The following DMXL1 variants were observed in gnomAD, a reference collection of about 807,000 sequenced individuals.
DMXL1 encodes Dmx like 1, also known as dmX-like protein 1.
Under a neutral mutation model 319.2 loss-of-function variants are expected in DMXL1, and 99 were observed. The observed-to-expected ratio is 0.31, with a 90% confidence interval of 0.26 to 0.37. DMXL1 has a LOEUF of 0.37. Among genes scored for constraint, DMXL1 ranks in the 10% least tolerant of loss-of-function variants. The pLI is 1.00. For synonymous variants in DMXL1, 1,385 were observed against 1,235.2 expected, an observed-to-expected ratio of 1.12 and a Z score of -2.54; for missense variants, 3,745 against 3,595.6, an observed-to-expected ratio of 1.04 and a Z score of -1.06.
At chr5:119,103,027 C>T (rs924575946) in intron 3 of DMXL1, among the ~76,000 whole-genome samples, 10 of 151,126 alleles carry the variant, frequency 6.6e-5, no homozygotes, top group South Asian at 2.1e-4. Context: ...TCCCTTGACA[C>T]GAATTTACCT....
intron 4 of DMXL1, among the ~76,000 whole-genome samples, 188 bp downstream of exon 4, chr5:119,105,446 G>A (rs1758125274): frequency 6.6e-6 from 1 of 152,168 alleles, no homozygotes. Flanking sequence ...AGAAATGAGA[G>A]AATGTTCTAA....
At chr5:119,211,304 T>A (rs537592299) in intron 34 of DMXL1, among the ~76,000 whole-genome samples, 1 of 152,296 alleles carries the variant, frequency 6.6e-6, no homozygotes, top group South Asian at 2.1e-4. Context: ...CTCTTTAATT[T>A]TGGGGAATAA....
chr5:119,173,111 G>C (rs1774918598), intron 25 of DMXL1, among the ~76,000 whole-genome samples: 1 of 152,150 alleles, frequency 6.6e-6, no homozygotes, highest in African/African-American at 2.4e-5. Context: ...GGTCGAGGCA[G>C]GCAGATCACC....
In DMXL1 at chr5:119,177,473, C is replaced by T. The variant is rs753804046; in HGVS notation, c.6875C>T (p.Ala2292Val). 2 of 1,599,314 alleles carry T rather than the reference C, an allele frequency of 1.3e-6. No individual in the cohort carries two copies. The highest frequency in any genetic ancestry group is 2.3e-5 in the South Asian group (2 of 87,928). The stretch of plus-strand genomic sequence containing the variant: ...GCATTAACTCCCAATACGTCACCAG[C>T]TCAATGGCCAGGTATAATTTTTATG... ...DEALTPNTSP[A>V]QWPGITCLIR... Residue 2292 changes from alanine (A) to valine (V), a missense_variant, in exon 27 of 44, where the codon GCT becomes GTT. Ala to Val is a moderately conservative substitution (Grantham distance 64). This residue lies in a region of DMXL1 where 1,382 missense variants were observed against 1,269.5 expected (regional missense o/e 1.09). Transcript: ENST00000539542.
chr5:119,196,504 A>G (rs902938443), intron 31 of DMXL1, 48 bp downstream of exon 31: 5 of 1,215,284 alleles, frequency 4.1e-6, no homozygotes, highest in Non-Finnish European at 5.9e-6. Context: ...CTTTTGACTT[A>G]CTACTCTGTT....
At chr5:119,075,927 G>A (rs1750741180) in intron 1 of DMXL1, among the ~76,000 whole-genome samples, 1 of 152,138 alleles carries the variant, frequency 6.6e-6, no homozygotes, top group Non-Finnish European at 1.5e-5. Context: ...TTAAAAAGAA[G>A]ACTAGTTAAT....
intron 19 of DMXL1, among the ~76,000 whole-genome samples, chr5:119,154,350 C>G (rs1581052108): frequency 6.6e-6 from 1 of 152,314 alleles, no homozygotes; most frequent in East Asian, 1.9e-4. Context: ...ATGCAAAGGA[C>G]AAGGTCCAAA....
In DMXL1 at chr5:119,098,729, C is replaced by A. The variant is rs563299951; in HGVS notation, c.213+625C>A. Among the ~76,000 whole-genome samples, 5 of 152,286 alleles carry A rather than the reference C, an allele frequency of 3.3e-5. No individual in the cohort carries two copies. The South Asian group carries it at 1.0e-3, about 32-fold the overall frequency. On this transcript the variant is annotated intron_variant, in intron 2 of 43. Transcript: ENST00000539542. ...TCCTGTAGTACCAGAATGAGAAAGT[C>A]ATACTACTAGGCAAGGCAGCATAAT...
intron 25 of DMXL1, among the ~76,000 whole-genome samples, chr5:119,173,672 A>ATGTGTGTGTGTGTGTGTGTGTGTGTG (rs771056976): frequency 3.2e-3 from 352 of 110,176 alleles, no homozygotes; most frequent in African/African-American, 1.0e-2. Flanking sequence ...AGTAGGATGT[A>ATGTGTGTGTGTGTGTGTGTGTGTGTG]TGTGTGTGTG....
chr5:119,146,707 T>G lies in DMXL1; in HGVS notation c.2570-130T>G, dbSNP rs894432752. 2.7e-5 allele frequency: 21 copies of G among 773,872 alleles called. No individual in the cohort carries two copies. In the African/African-American group the frequency reaches 3.8e-4, roughly 14 times the overall value. The allele number at this position is 773,872 out of a possible 1,614,324, so 47.9% of individuals were successfully genotyped here. On this transcript the variant is annotated intron_variant, in intron 15 of 43. Coordinates refer to ENST00000539542, the MANE Select transcript of DMXL1 (RefSeq NM_001290321.3). Reference sequence around the variant, plus strand: ...ATTTGAATATATTTTATAATACCACTTGTGTTTGAAGCCTTAGGTAAAAGT... The same window carrying G: ...ATTTGAATATATTTTATAATACCACGTGTGTTTGAAGCCTTAGGTAAAAGT...
chr5:119,080,497 G>C (rs533163619), intron 1 of DMXL1, among the ~76,000 whole-genome samples: 2 of 151,942 alleles, frequency 1.3e-5, no homozygotes, highest in East Asian at 3.9e-4. Flanking sequence ...TTTTTTTTAA[G>C]CCAAAGATTT....
intron 35 of DMXL1, among the ~76,000 whole-genome samples, chr5:119,217,338 T>C (rs965106746): frequency 1.3e-5 from 2 of 152,190 alleles, no homozygotes; most frequent in African/African-American, 4.8e-5. Flanking sequence ...GGGTATTTGG[T>C]AAGATTTAAG....
In DMXL1 at chr5:119,196,470, C is replaced by G. The variant is rs779327107; in HGVS notation, c.7543+14C>G. 10 of 1,423,870 alleles carry G rather than the reference C, an allele frequency of 7.0e-6. No individual in the cohort carries two copies. The highest frequency in any genetic ancestry group is 1.4e-5 in the African/African-American group (1 of 70,096). 88.2% of individuals were successfully genotyped at this position (1,423,870 alleles called of 1,614,324 possible). A position where few individuals can be genotyped will look rare whatever the true frequency, so the allele number is the denominator to read the frequency against. Reference sequence around the variant, plus strand: ...ATGATCTTGCAGGTAATAAATAGCTCAACATGAGCTAATGGTGCCATTGCT... The same window carrying G: ...ATGATCTTGCAGGTAATAAATAGCTGAACATGAGCTAATGGTGCCATTGCT... On this transcript the variant is annotated intron_variant, in intron 31 of 43. Transcript: ENST00000539542.
Position 119,214,549 on chromosome 5 carries a change from A to G in DMXL1, c.7927-2352A>G, listed in dbSNP as rs780632186. Among the ~76,000 whole-genome samples the G allele has an allele frequency of 3.9e-5, 6 of 152,152 alleles. No individual in the cohort carries two copies. The East Asian group carries it at 5.8e-4, about 15-fold the overall frequency. On this transcript the variant is annotated intron_variant, in intron 34 of 43. Coordinates refer to ENST00000539542, the MANE Select transcript of DMXL1 (RefSeq NM_001290321.3). ...AACTGAACCTCTACCTTTATCTCCA[A>G]TCTTATCTTCTGCCACTTATGGTCA...
At chr5:119,195,864 C>G (rs1309750205) in intron 30 of DMXL1, among the ~76,000 whole-genome samples, 1 of 152,174 alleles carries the variant, frequency 6.6e-6, no homozygotes, top group Non-Finnish European at 1.5e-5. Flanking sequence ...ACAAGTTTTA[C>G]TTAAACTTCT....
At chr5:119,113,120 A>ATG (rs1177127202) in intron 5 of DMXL1, among the ~76,000 whole-genome samples, 1 of 152,240 alleles carries the variant, frequency 6.6e-6, no homozygotes, top group East Asian at 1.9e-4. Context: ...AAATCATTGT[A>ATG]TGTATATATA....
intron 34 of DMXL1, among the ~76,000 whole-genome samples, chr5:119,209,781 G>A (rs1282366129): frequency 3.9e-5 from 6 of 152,084 alleles, no homozygotes; most frequent in African/African-American, 1.4e-4. Context: ...TTTGCCATTT[G>A]TCTATCTTTC....
chr5:119,174,550 T>C (rs898285469), intron 25 of DMXL1, among the ~76,000 whole-genome samples: 1 of 152,244 alleles, frequency 6.6e-6, no homozygotes, highest in African/African-American at 2.4e-5. Context: ...ATTTGATCTG[T>C]CATTCTCCAT....
At chr5:119,100,231 C>A (rs948699511) in intron 2 of DMXL1, among the ~76,000 whole-genome samples, 2 of 151,634 alleles carry the variant, frequency 1.3e-5, no homozygotes, top group African/African-American at 4.8e-5. Context: ...GAGTTCAAGA[C>A]CATTCTGGCC....
Sources: allele counts gnomAD v4.1 joint callset (sites outside exome capture counted in the v4.1 genomes callset), GRCh38; gene constraint gnomAD v4.1.1; regional missense constraint gnomAD v4.1.1; transcripts MANE v1.5; gene names NCBI Gene and HGNC (gene_info 2026-07-23, HGNC 2026-07-21).